Variants in POLE3 observed in about 807,000 individuals in gnomAD.
The protein encoded by POLE3 is DNA polymerase epsilon 3, accessory subunit, also known as DNA polymerase epsilon subunit 3.
POLE3 carries 10 observed loss-of-function variants against 16.1 expected under a neutral mutation model. The observed-to-expected ratio is 0.62, with a 90% CI of 0.38 to 1.05. The LOEUF (loss-of-function observed/expected upper bound fraction) is 1.05. Among genes scored for constraint, POLE3 ranks in the 50% least tolerant of loss-of-function variants. POLE3 has a pLI of 0.01. For missense variants in POLE3, 169 were observed against 185.0 expected (o/e 0.91, Z 0.50); for synonymous variants, 83 against 71.0 (o/e 1.17, Z -0.85).
intron 3 of POLE3, 42 bp from the exon 4 acceptor site, chr9:113,409,770 A>T (rs373376269): frequency 7.6e-7 from 1 of 1,322,666 alleles, no homozygotes; most frequent in Non-Finnish European, 1.1e-6. Context: ...CTTGTTTGTA[A>T]GGCGTGAGTG....
At position 113,410,032 on chromosome 9, in the gene POLE3, C is replaced by T. The variant is rs1238877197; in HGVS notation, c.152+23G>A. On this transcript the variant is annotated intron_variant, in intron 3 of 4. Coordinates refer to ENST00000374171, the MANE Select transcript of POLE3 (RefSeq NM_017443.5). ...TCCCAGCCAGGTATCCCCGCGCCTC[C>T]CTTATGCCTCTGTCCCGCTCACCAG... 3.2e-6 allele frequency: 5 copies of T among 1,545,038 alleles called. No individual in the cohort carries two copies. The East Asian group carries it at 7.3e-5, about 23-fold the overall frequency.
rs1339329844 is a variant in POLE3, at chr9:113,410,386, GT to G, written c.-94del. 2.8e-5 allele frequency: 35 copies of G among 1,235,614 alleles called. No homozygotes were observed. The highest frequency in any genetic ancestry group is 4.0e-5 in the Non-Finnish European group (35 of 866,020). The allele number at this position is 1,235,614 out of a possible 1,614,324, so 76.5% of individuals were successfully genotyped here. A position where few individuals can be genotyped will look rare whatever the true frequency, so the allele number is the denominator to read the frequency against. On this transcript the variant is annotated 5_prime_UTR_variant, in exon 2 of 5. Coordinates refer to ENST00000374171, the MANE Select transcript of POLE3 (RefSeq NM_017443.5). The stretch of plus-strand genomic sequence containing the variant: ...CGTCGCTACGGTCTGACCCTGCGAG[GT>G]TTCCGTTCCGCCCCACGTGGCCTAC...
At position 113,410,637 on chromosome 9, in the gene POLE3, A is replaced by C. The variant is rs1412922460; in HGVS notation, c.-136T>G. Reference sequence around the variant, plus strand: ...CTCACCAACTTATTTGGCTCAATGGAGCTTCCGTCCGTTTCCCATGGTGCC... The same window carrying C: ...CTCACCAACTTATTTGGCTCAATGGCGCTTCCGTCCGTTTCCCATGGTGCC... On this transcript the variant is annotated 5_prime_UTR_variant, in exon 1 of 5. Coordinates refer to ENST00000374171, the MANE Select transcript of POLE3 (RefSeq NM_017443.5). 12 of 364,070 alleles carry C rather than the reference A, an allele frequency of 3.3e-5. No individual in the cohort carries two copies. The allele number at this position is 364,070 out of a possible 1,614,324, so 22.6% of individuals were successfully genotyped here.
intron 4 of POLE3, among the ~76,000 whole-genome samples, 160 bp from the exon 5 acceptor site, chr9:113,409,143 C>G (rs533434048): frequency 6.6e-6 from 1 of 152,112 alleles, no homozygotes; most frequent in South Asian, 2.1e-4. Context: ...GGGCGGATCA[C>G]CTGAGGTCAG....
intron 4 of POLE3, 34 bp downstream of exon 4, chr9:113,409,573 ATCT>A (rs1828032068): frequency 8.1e-7 from 1 of 1,236,908 alleles, no homozygotes; most frequent in African/African-American, 1.5e-5. Flanking sequence ...CAGGATGACC[ATCT>A]TCTATGTGGT....
In POLE3 at chr9:113,408,201, T is replaced by A. The variant is rs1321520904; in HGVS notation, c.*610A>T. The stretch of plus-strand genomic sequence containing the variant: ...CAGCAGGCCGATCATCTACAGGCAA[T>A]ATAGAAAGGTTTTGGGCCAAGTGGG... On this transcript the variant is annotated 3_prime_UTR_variant, in exon 5 of 5. Coordinates refer to ENST00000374171, the MANE Select transcript of POLE3 (RefSeq NM_017443.5). The A allele has an allele frequency of 6.6e-6, 1 of 152,296 alleles. No homozygotes were observed. The allele number at this position is 152,296 out of a possible 1,614,324, so 9.4% of individuals were successfully genotyped here.
rs1828078356 is a variant in POLE3, at chr9:113,410,405, T to A, written c.-112A>T. 2.1e-6 allele frequency: 2 copies of A among 961,136 alleles called. No homozygotes were observed. The highest frequency in any genetic ancestry group is 1.6e-5 in the African/African-American group (1 of 62,144). The allele number at this position is 961,136 out of a possible 1,614,324, so 59.5% of individuals were successfully genotyped here. ...TGCGAGGTTTCCGTTCCGCCCCACG[T>A]GGCCTACAGTGTCCCACAGTGCTCT... On this transcript the variant is annotated 5_prime_UTR_variant, in exon 2 of 5. Coordinates refer to ENST00000374171, the MANE Select transcript of POLE3 (RefSeq NM_017443.5).
chr9:113,409,666 G>T lies in POLE3; in HGVS notation c.215C>A (p.Ala72Asp), dbSNP rs1469658263. ...KTLNASDVLSAMEEMEFQRFV... is the reference protein window; with the variant it reads ...KTLNASDVLSDMEEMEFQRFV... Reference sequence around the variant, plus strand: ...CCGCTGGAACTCCATCTCTTCCATGGCTGAGAGCACATCACTGGCATTCAG... The same window carrying T: ...CCGCTGGAACTCCATCTCTTCCATGTCTGAGAGCACATCACTGGCATTCAG... The change falls in exon 4 of 5, where the codon GCC becomes GAC. Residue 72 changes from alanine (A) to aspartate (D), a missense_variant. Physicochemically the swap from Ala to Asp is moderately radical, Grantham distance 126. Coordinates refer to ENST00000374171, the MANE Select transcript of POLE3 (RefSeq NM_017443.5). 2 of 1,613,534 alleles carry T rather than the reference G, an allele frequency of 1.2e-6. No homozygotes were observed. The highest frequency in any genetic ancestry group is 2.7e-5 in the African/African-American group (2 of 74,906).
chr9:113,409,497 G>A, intron 4 of POLE3, 113 bp downstream of exon 4: 3 of 695,268 alleles, frequency 4.3e-6, no homozygotes, highest in Non-Finnish European at 7.7e-6. Flanking sequence ...GTCACATCAA[G>A]TGCTGGCTTA....
rs1827972467 is a variant in POLE3 at position 113,407,827 on chromosome 9, C to G, written c.*984G>C. ...GACTGACAGAAGTGAGAAAAGGAGG[C>G]AGATGAGAAAGTGGGATGGGGAGCA... On this transcript the variant is annotated 3_prime_UTR_variant, in exon 5 of 5. Transcript: ENST00000374171. 6.5e-6 allele frequency: 1 copy of G among 152,866 alleles called. No homozygotes were observed. The highest frequency in any genetic ancestry group is 2.1e-4 in the South Asian group (1 of 4,834). 9.5% of individuals were successfully genotyped at this position (152,866 alleles called of 1,614,324 possible).
chr9:113,409,741 A>T lies in POLE3; in HGVS notation c.153-13T>A, dbSNP rs1407031742. 1 of 1,520,560 alleles carries T rather than the reference A, an allele frequency of 6.6e-7. No homozygotes were observed. Among genetic ancestry groups the T allele is most frequent in the Admixed American group, 1.7e-5 (1 of 59,870 alleles). 94.2% of individuals were successfully genotyped at this position (1,520,560 alleles called of 1,614,324 possible). A position where few individuals can be genotyped will look rare whatever the true frequency, so the allele number is the denominator to read the frequency against. On this transcript the variant is annotated splice_polypyrimidine_tract_variant and intron_variant, in intron 3 of 4. Transcript: ENST00000374171. ...AAAGTTGTTAGCACTGAGAGAAGAG[A>T]AAGGCTGTCAGACTCCCTCTTGTTT...
In POLE3 at chr9:113,408,628, A is replaced by T. The variant is rs1423207603; in HGVS notation, c.*183T>A. 5 of 560,056 alleles carry T rather than the reference A, an allele frequency of 8.9e-6. No individual in the cohort carries two copies. The highest frequency in any genetic ancestry group is 1.3e-5 in the Non-Finnish European group (4 of 311,316). 34.7% of individuals were successfully genotyped at this position (560,056 alleles called of 1,614,324 possible). ...TGATGAAGCAAAACAGGATTCTGCT[A>T]CTCAGATGCTCTGAGTTTGGTAAGT... On this transcript the variant is annotated 3_prime_UTR_variant, in exon 5 of 5. Coordinates refer to ENST00000374171, the MANE Select transcript of POLE3 (RefSeq NM_017443.5).
rs1432492411 is a variant in POLE3, at chr9:113,407,357, C to T, written c.*1454G>A. On this transcript the variant is annotated 3_prime_UTR_variant, in exon 5 of 5. Coordinates refer to ENST00000374171, the MANE Select transcript of POLE3 (RefSeq NM_017443.5). ...AACTACACGTCACTACCTGTCAAAC[C>T]CCAAGCACTCAACTTAGAAACAAAA... The T allele has an allele frequency of 2.0e-5, 3 of 152,508 alleles. No homozygotes were observed. Among genetic ancestry groups the T allele is most frequent in the African/African-American group, 7.2e-5 (3 of 41,412 alleles). The allele number at this position is 152,508 out of a possible 1,614,324, so 9.4% of individuals were successfully genotyped here.
Position 113,410,109 on chromosome 9 carries a change from G to A in POLE3, c.98C>T (p.Ala33Val). The A allele has an allele frequency of 1.9e-6, 3 of 1,591,472 alleles. No homozygotes were observed. The change falls in exon 3 of 5, where the codon GCC (alanine) becomes GTC (valine). Residue 33 changes from alanine (A) to valine (V), a missense_variant. Coordinates refer to ENST00000374171, the MANE Select transcript of POLE3 (RefSeq NM_017443.5). ...GGCGGCGCGGGAGATGGCGCTCCGG[G>A]CCTCCTTGGAGATGTTGACACCGTC... ...LPDGVNISKE[A>V]RSAISRAASV...
Position 113,408,834 on chromosome 9 carries a change from C to T in POLE3, c.421G>A (p.Glu141Lys). Residue 141 changes from glutamate (E) to lysine (K), a missense_variant, in exon 5 of 5, where the codon GAA becomes AAA. Transcript: ENST00000374171. ...EERLEEEEQNEEEEVDN is the reference protein window; with the variant it reads ...EERLEEEEQNKEEEVDN ...TTTCAGTTGTCTACTTCTTCCTCTT[C>T]ATTCTGTTCTTCTTCTTCCAGCCTT... 1 of 1,613,904 alleles carries T rather than the reference C, an allele frequency of 6.2e-7. No homozygotes were observed. The highest frequency in any genetic ancestry group is 1.1e-5 in the South Asian group (1 of 91,066).
At chr9:113,409,808 G>A (rs1828043732) in intron 3 of POLE3, 80 bp from the exon 4 acceptor site, 2 of 968,414 alleles carry the variant, frequency 2.1e-6, no homozygotes, top group African/African-American at 1.6e-5. Flanking sequence ...AGGTGGAACG[G>A]GAAAGCCTGC....
In POLE3 at chr9:113,408,840, G is replaced by A; in HGVS notation, c.415C>T (p.Gln139Ter). Residue 139 changes from glutamine to a stop codon, truncating the protein, a stop_gained, in exon 5 of 5, where the codon CAG becomes TAG. Transcript: ENST00000374171. LOFTEE classifies it high-confidence loss of function. ...TTGTCTACTTCTTCCTCTTCATTCT[G>A]TTCTTCTTCTTCCAGCCTTTCTTCG... Reference protein sequence around the residue: ...EDEERLEEEEQNEEEEVDN With the variant: ...EDEERLEEEE The A allele has an allele frequency of 3.1e-6, 5 of 1,613,704 alleles. No homozygotes were observed. Among genetic ancestry groups the A allele is most frequent in the Non-Finnish European group, 4.2e-6 (5 of 1,179,746 alleles).
intron 4 of POLE3, 67 bp downstream of exon 4, chr9:113,409,543 G>A: frequency 1.1e-6 from 1 of 944,614 alleles, no homozygotes; most frequent in Non-Finnish European, 1.7e-6. Flanking sequence ...GAAGGCTCAG[G>A]GCCTGGTGAA....
chr9:113,409,076 A>G, intron 4 of POLE3, 93 bp from the exon 5 acceptor site: 2 of 1,226,482 alleles, frequency 1.6e-6, no homozygotes, highest in Non-Finnish European at 2.3e-6. Context: ...GGAAAAACGG[A>G]GGCAGATGGG....
Sources: allele counts gnomAD v4.1 joint callset (sites outside exome capture counted in the v4.1 genomes callset), GRCh38; gene constraint gnomAD v4.1.1; transcripts MANE v1.5; gene names NCBI Gene and HGNC (gene_info 2026-07-23, HGNC 2026-07-21).